The following PAH variants were observed in gnomAD, a reference collection of about 807,000 sequenced individuals.
PAH encodes the protein phenylalanine hydroxylase.
In PAH, 64 loss-of-function variants were observed where a neutral mutation model predicts 62.0. That is an observed-to-expected ratio of 1.03 (90% CI 0.84 to 1.27). The LOEUF is 1.27. Ranked by LOEUF, PAH falls within the 50% of genes most tolerant of loss-of-function variation. The pLI, the probability that PAH is intolerant of heterozygous loss-of-function variation, is 0.00. For synonymous variants in PAH, 195 were observed against 196.2 expected (o/e 0.99, Z 0.05); for missense variants, 579 against 542.8 (o/e 1.07, Z -0.66).
Position 102,846,964 on chromosome 12 carries a change from G to A in PAH, c.913-13C>T. On this transcript the variant is annotated splice_polypyrimidine_tract_variant and intron_variant, in intron 8 of 12. Transcript: ENST00000553106. ...CAAGGCCAATTTCCTGTAATTGGGG[G>A]AAAATAGAACCTGTTCTGTTCCTGT... 3 of 1,610,950 alleles carry A rather than the reference G, an allele frequency of 1.9e-6. No individual in the cohort carries two copies. The highest frequency in any genetic ancestry group is 1.7e-6 in the Non-Finnish European group (2 of 1,177,222).
At chr12:102,898,668 T>C (rs1365249739) in intron 2 of PAH, among the ~76,000 whole-genome samples, 1 of 152,138 alleles carries the variant, frequency 6.6e-6, no homozygotes, top group Non-Finnish European at 1.5e-5. Context: ...TTGAAAAGGT[T>C]AAGGGAGACA....
Position 102,855,203 on chromosome 12 carries a change from A to C in PAH, c.639T>G (p.Leu213=), listed in dbSNP as rs1390588818. ...CTTCATGGAAGCCACAGTACTTTTC[A>C]AGAAGTGGAAAAATGTGATTGTACT... ...CYEYNHIFPL[L]EKYCGFHEDN... Residue 213 remains leucine (L), a synonymous_variant, in exon 6 of 13, where the codon CTT becomes CTG. Coordinates refer to ENST00000553106, the MANE Select transcript of PAH (RefSeq NM_000277.3). 6.2e-7 allele frequency: 1 copy of C among 1,614,188 alleles called. No individual in the cohort carries two copies. The highest frequency in any genetic ancestry group is 2.2e-5 in the East Asian group (1 of 44,888).
chr12:102,954,318 G>A (rs997581497), upstream of PAH, among the ~76,000 whole-genome samples: 1 of 152,246 alleles, frequency 6.6e-6, no homozygotes, highest in African/African-American at 2.4e-5. Context: ...AGACAGAGTG[G>A]CACTGGATCT....
At chr12:102,895,869 A>AAAAAAAATATATAT (rs953209518) in intron 2 of PAH, among the ~76,000 whole-genome samples, 19 of 118,700 alleles carry the variant, frequency 1.6e-4, no homozygotes, top group African/African-American at 6.4e-4. Context: ...AAAAAAAAAA[A>AAAAAAAATATATAT]ATATATATAT....
intron 1 of PAH, among the ~76,000 whole-genome samples, chr12:102,944,703 T>C (rs1411751839): frequency 1.3e-5 from 2 of 152,228 alleles, no homozygotes; most frequent in South Asian, 2.1e-4. Flanking sequence ...GTATTCTGAA[T>C]TCCCTGTCTG....
At chr12:102,908,190 C>T (rs73391558) in intron 2 of PAH, among the ~76,000 whole-genome samples, 8,823 of 151,192 alleles carry the variant, frequency 0.058, 302 homozygotes, top group Admixed American at 0.11. Flanking sequence ...TACATGCATG[C>T]GCCCCCCTCC....
upstream of PAH, among the ~76,000 whole-genome samples, chr12:102,919,704 G>C (rs2888702): frequency 6.6e-6 from 1 of 152,038 alleles, no homozygotes; most frequent in Non-Finnish European, 1.5e-5. Context: ...GTGATGTTTG[G>C]CTTTCTGTGC....
intron 5 of PAH, among the ~76,000 whole-genome samples, chr12:102,866,007 C>A (rs1353768448): frequency 6.6e-6 from 1 of 151,576 alleles, no homozygotes; most frequent in African/African-American, 2.4e-5. Flanking sequence ...AAGCTGTTGT[C>A]TTCTCAAACA....
intron 3 of PAH, among the ~76,000 whole-genome samples, chr12:102,882,761 C>T (rs189102284): frequency 9.9e-4 from 149 of 150,926 alleles, no homozygotes; most frequent in African/African-American, 3.2e-3. Context: ...GTCTCTACCA[C>T]TTATTTCGTT....
chr12:102,869,566 A>G (rs1180291431), intron 4 of PAH, among the ~76,000 whole-genome samples: 1 of 152,214 alleles, frequency 6.6e-6, no homozygotes, highest in African/African-American at 2.4e-5. Context: ...AGATTCACAC[A>G]TTGGTATACA....
Position 102,894,739 on chromosome 12 carries a change from G to A in PAH, c.348C>T (p.Asp116=). 1 of 1,613,610 alleles carries A rather than the reference G, an allele frequency of 6.2e-7. No homozygotes were observed. The highest frequency in any genetic ancestry group is 8.5e-7 in the Non-Finnish European group (1 of 1,179,602). ...CAAAATTCCTCTAATTCTTACCTGT[G>A]TCTTTCTTCTTATCTCGTGAAAGCT... ...VHELSRDKKK[D]TVPWFPRTIQ... Residue 116 remains aspartate (D), a synonymous_variant, in exon 3 of 13, where the codon GAC becomes GAT. Coordinates refer to ENST00000553106, the MANE Select transcript of PAH (RefSeq NM_000277.3).
chr12:102,905,269 A>T (rs1016076756), intron 2 of PAH, among the ~76,000 whole-genome samples: 2 of 152,186 alleles, frequency 1.3e-5, no homozygotes, highest in African/African-American at 4.8e-5. Flanking sequence ...TTCTACGGGC[A>T]AATAGTGATC....
chr12:102,872,525 GGGCCTCAGGT>G (rs1876389133), intron 4 of PAH, among the ~76,000 whole-genome samples: 1 of 152,166 alleles, frequency 6.6e-6, no homozygotes, highest in Admixed American at 6.5e-5. Context: ...AACTCTGACA[GGGCCTCAGGT>G]GGAGAAAATT....
chr12:102,893,741 T>C (rs974911945), intron 3 of PAH, among the ~76,000 whole-genome samples: 4 of 152,256 alleles, frequency 2.6e-5, no homozygotes, highest in African/African-American at 4.8e-5. Context: ...CCCACACTTA[T>C]AATTTCTATA....
chr12:102,918,730 G>A (rs988955274), upstream of PAH, among the ~76,000 whole-genome samples: 2 of 152,098 alleles, frequency 1.3e-5, no homozygotes, highest in African/African-American at 4.8e-5. Context: ...GGGGCCTGAT[G>A]AATATTTCCC....
intron 2 of PAH, among the ~76,000 whole-genome samples, chr12:102,906,208 A>G (rs1877970045): frequency 6.6e-6 from 1 of 152,236 alleles, no homozygotes; most frequent in Non-Finnish European, 1.5e-5. Flanking sequence ...GGCAATAATA[A>G]GCATATATTC....
chr12:102,933,489 C>T (rs1027660983), intron 1 of PAH, among the ~76,000 whole-genome samples: 2 of 151,886 alleles, frequency 1.3e-5, no homozygotes, highest in African/African-American at 4.8e-5. Flanking sequence ...GGGTATATAC[C>T]CAGCAGTGGG....
upstream of PAH, chr12:102,950,876 G>A (rs1325762782): frequency 2.0e-5 from 3 of 152,180 alleles, no homozygotes; most frequent in Non-Finnish European, 4.4e-5. Context: ...GTCAGATATA[G>A]GCACCCAGGG....
rs1232144620 is a variant in PAH, at chr12:102,871,949, A to AAT, written c.442-5288_442-5287dup. 2.9e-3 allele frequency among the ~76,000 whole-genome samples: 89 copies of AAT among 30,324 alleles called. 1 individual carries two copies. The highest frequency in any genetic ancestry group is 0.012 in the African/African-American group (75 of 6,278). The allele number at this position is 30,324 out of a possible 152,430, so 19.9% of individuals were successfully genotyped here. A position where few individuals can be genotyped will look rare whatever the true frequency, so the allele number is the denominator to read the frequency against. On this transcript the variant is annotated intron_variant, in intron 4 of 12. Transcript: ENST00000553106. ...AAAAAAAAAAAAAAAAAAAAAAAAA[A>AAT]ATATATATATATATATATATATATA...
Sources: allele counts gnomAD v4.1 joint callset (sites outside exome capture counted in the v4.1 genomes callset), GRCh38; gene constraint gnomAD v4.1.1; transcripts MANE v1.5; gene names NCBI Gene and HGNC (gene_info 2026-07-23, HGNC 2026-07-21).